The following PTPRN2 variants were observed in gnomAD, a reference collection of about 807,000 sequenced individuals.
PTPRN2 encodes the protein receptor-type tyrosine-protein phosphatase N2.
A neutral mutation model predicts 118.8 loss-of-function variants in PTPRN2; 74 were observed. The observed-to-expected ratio is 0.62, with a 90% confidence interval of 0.52 to 0.76. The LOEUF is 0.76. Ranked by LOEUF, PTPRN2 falls within the 30% of genes least tolerant of loss-of-function variation. The pLI is 0.00. For missense variants in PTPRN2, 1,481 were observed against 1,394.4 expected (o/e 1.06, Z -0.99); for synonymous variants, 641 against 608.0 (o/e 1.05, Z -0.80).
At chr7:157,871,426 G>T (rs1242316866) in intron 12 of PTPRN2, among the ~76,000 whole-genome samples, 1 of 152,108 alleles carries the variant, frequency 6.6e-6, no homozygotes, top group African/African-American at 2.4e-5. Context: ...ACCTCTGAGA[G>T]AACTTGTAAG....
intron 11 of PTPRN2, among the ~76,000 whole-genome samples, chr7:158,023,910 C>T (rs1441650190): frequency 1.3e-5 from 2 of 150,958 alleles, no homozygotes; most frequent in Non-Finnish European, 1.5e-5. Context: ...ACACACAGGG[C>T]CTGGCACACA....
chr7:158,144,924 G>A lies in PTPRN2; in HGVS notation c.911-6409C>T, dbSNP rs527793203. Among the ~76,000 whole-genome samples, 33 of 152,258 alleles carry A rather than the reference G, an allele frequency of 2.2e-4. 1 individual carries two copies. The highest frequency in any genetic ancestry group is 4.4e-4 in the Non-Finnish European group (30 of 68,038). ...AAGGAGGAACTGAACAGCAAGCCAC[G>A]TCTCCAGAATGCCACGGCTCGGCAA... On this transcript the variant is annotated intron_variant, in intron 6 of 22. Transcript: ENST00000389418.
chr7:158,121,787 C>T (rs943648059), intron 9 of PTPRN2, among the ~76,000 whole-genome samples: 1 of 152,334 alleles, frequency 6.6e-6, no homozygotes, highest in East Asian at 1.9e-4. Flanking sequence ...GTGTACGGGA[C>T]GTGCAGTCCA....
chr7:157,686,418 T>C (rs908712409), intron 12 of PTPRN2, among the ~76,000 whole-genome samples: 1 of 152,196 alleles, frequency 6.6e-6, no homozygotes, highest in African/African-American at 2.4e-5. Flanking sequence ...TCCCTTTTTG[T>C]GGAGTTAAAA....
intron 6 of PTPRN2, among the ~76,000 whole-genome samples, chr7:158,155,980 G>T (rs563893793): frequency 6.6e-6 from 1 of 152,296 alleles, no homozygotes; most frequent in Admixed American, 6.5e-5. Flanking sequence ...GCTTCCACAG[G>T]GAGAAACTGA....
At chr7:158,352,631 C>A (rs561136737) in intron 2 of PTPRN2, among the ~76,000 whole-genome samples, 1 of 152,186 alleles carries the variant, frequency 6.6e-6, no homozygotes, top group Non-Finnish European at 1.5e-5. Flanking sequence ...CTGGGCCCCA[C>A]ACATTTCAGA....
intron 21 of PTPRN2, among the ~76,000 whole-genome samples, chr7:157,561,146 G>A (rs914302038): frequency 6.6e-5 from 10 of 151,268 alleles, no homozygotes; most frequent in African/African-American, 2.4e-4. Flanking sequence ...CTCGGCCCCC[G>A]GGTCCTGTAC....
chr7:157,840,241 G>A (rs1808294790), intron 12 of PTPRN2, among the ~76,000 whole-genome samples: 1 of 148,240 alleles, frequency 6.7e-6, no homozygotes, highest in Non-Finnish European at 1.5e-5. Context: ...GACTGTGTGT[G>A]ACTGTGTAAC....
intron 11 of PTPRN2, among the ~76,000 whole-genome samples, chr7:157,900,426 G>A (rs1797375752): frequency 6.6e-6 from 1 of 152,242 alleles, no homozygotes; most frequent in East Asian, 1.9e-4. Flanking sequence ...GGTGTCACGA[G>A]CAGTGAGTCT....
chr7:158,249,661 A>T (rs1407951705), intron 3 of PTPRN2, among the ~76,000 whole-genome samples: 1 of 152,236 alleles, frequency 6.6e-6, no homozygotes, highest in African/African-American at 2.4e-5. Flanking sequence ...TGCAGCCAAT[A>T]AAATGTGGAA....
At chr7:157,962,567 T>C (rs983054983) in intron 11 of PTPRN2, among the ~76,000 whole-genome samples, 1 of 152,224 alleles carries the variant, frequency 6.6e-6, no homozygotes. Flanking sequence ...AGACTACAGC[T>C]TCCTGAAGTC....
At position 158,021,725 on chromosome 7, in the gene PTPRN2, G is replaced by A. The variant is rs146018202; in HGVS notation, c.1723+59573C>T. 7.8e-3 allele frequency among the ~76,000 whole-genome samples: 1,190 copies of A among 152,258 alleles called. 14 individuals carry two copies. Among genetic ancestry groups the A allele is most frequent in the African/African-American group, 0.028 (1,145 of 41,518 alleles). ...GGGAGGAGCAGCCCTGCCCCACCTCGATCTCTGATGTCCAGCCTCCATAGT... is the reference window on the plus strand; with the variant it reads ...GGGAGGAGCAGCCCTGCCCCACCTCAATCTCTGATGTCCAGCCTCCATAGT... On this transcript the variant is annotated intron_variant, in intron 11 of 22. Transcript: ENST00000389418.
In PTPRN2 at chr7:158,457,509, T is replaced by C. The variant is rs2464335; in HGVS notation, c.163+32226A>G. Among the ~76,000 whole-genome samples the C allele has an allele frequency of 5.8e-3, 511 of 88,666 alleles. 5 individuals are homozygous for C. Among genetic ancestry groups the C allele is most frequent in the African/African-American group, 0.016 (366 of 22,800 alleles). 58.2% of individuals were successfully genotyped at this position (88,666 alleles called of 152,430 possible). A position where few individuals can be genotyped will look rare whatever the true frequency, so the allele number is the denominator to read the frequency against. On this transcript the variant is annotated intron_variant, in intron 2 of 22. Coordinates refer to ENST00000389418, the MANE Select transcript of PTPRN2 (RefSeq NM_002847.5). The stretch of plus-strand genomic sequence containing the variant: ...GAGGGGCGTTACCACCAAACCTCCC[T>C]CTCCAGGGCGAGCCTGGCCTGGGGG...
At chr7:157,656,970 CCA>C (rs1301367820) in intron 13 of PTPRN2, among the ~76,000 whole-genome samples, 2 of 120,760 alleles carry the variant, frequency 1.7e-5, no homozygotes, top group Non-Finnish European at 1.7e-5. Flanking sequence ...CACACATACA[CCA>C]CACACACCAC....
chr7:157,671,665 C>T lies in PTPRN2; in HGVS notation c.2001+11060G>A, dbSNP rs375078358. Among the ~76,000 whole-genome samples, 18 of 152,092 alleles carry T rather than the reference C, an allele frequency of 1.2e-4. No homozygotes were observed. Among genetic ancestry groups the T allele is most frequent in the African/African-American group, 4.1e-4 (17 of 41,430 alleles). On this transcript the variant is annotated intron_variant, in intron 13 of 22. Transcript: ENST00000389418. This position sits in a 1 kb window ranked among gnomAD's most constrained non-coding sequence, Gnocchi z 4.1. ...AAGCCAAAGGAAGGGCAGGGGCATG[C>T]GGGCTGGGGGCGGAGCGGCTACTGG...
At chr7:157,939,149 C>T (rs10949675) in intron 11 of PTPRN2, among the ~76,000 whole-genome samples, 57,646 of 150,916 alleles carry the variant, frequency 0.38, 12,962 homozygotes, top group East Asian at 0.63. Context: ...CAGGTCCCCA[C>T]CTCAATAGCA....
At chr7:158,035,888 C>T (rs577269633) in intron 11 of PTPRN2, among the ~76,000 whole-genome samples, 25 of 152,182 alleles carry the variant, frequency 1.6e-4, no homozygotes, top group Non-Finnish European at 2.6e-4. Flanking sequence ...TTATAAACCA[C>T]GTAGAAAACA....
intron 3 of PTPRN2, among the ~76,000 whole-genome samples, chr7:158,251,276 C>T (rs1329867624): frequency 6.6e-6 from 1 of 152,130 alleles, no homozygotes; most frequent in East Asian, 1.9e-4. Flanking sequence ...ATTGGTGAGC[C>T]GAGGAGAACC....
intron 11 of PTPRN2, among the ~76,000 whole-genome samples, chr7:158,026,958 C>T (rs759791903): frequency 2.6e-5 from 4 of 152,230 alleles, no homozygotes; most frequent in Non-Finnish European, 2.9e-5. Flanking sequence ...TGGTGACAAA[C>T]GGTTCAAATG....
Sources: gnomAD v4.1 joint callset for allele counts (sites outside exome capture counted in the v4.1 genomes callset) on GRCh38, gnomAD v4.1.1 for gene constraint, Gnocchi (gnomAD v3.1) non-coding constraint, MANE v1.5 for transcripts, NCBI Gene and HGNC (gene_info 2026-07-23, HGNC 2026-07-21) for gene names.